The following BLVRB variants were observed in gnomAD, a reference collection of about 807,000 sequenced individuals.
The protein encoded by BLVRB is biliverdin reductase B.
BLVRB carries 25 observed loss-of-function variants against 21.1 expected under a neutral mutation model. The observed-to-expected ratio is 1.19, with a 90% CI of 0.86 to 1.66. The LOEUF (loss-of-function observed/expected upper bound fraction) is 1.66. Among genes scored for constraint, BLVRB ranks in the 40% most tolerant of loss-of-function variants. The pLI is 0.00. For missense variants in BLVRB, 274 were observed against 282.7 expected (o/e 0.97, Z 0.22); for synonymous variants, 128 against 122.2 (o/e 1.05, Z -0.31).
At chr19:40,460,138 AAC>A (rs1381329324) in intron 1 of BLVRB, among the ~76,000 whole-genome samples, 1 of 151,332 alleles carries the variant, frequency 6.6e-6, no homozygotes. Flanking sequence ...GTTTCTCTTC[AAC>A]ACACACACAC....
At chr19:40,456,517 A>G (rs1282815053) in intron 3 of BLVRB, among the ~76,000 whole-genome samples, 7 of 152,170 alleles carry the variant, frequency 4.6e-5, no homozygotes, top group Admixed American at 2.0e-4. Flanking sequence ...ATGAGAAAAA[A>G]GAAAGCAAAT....
chr19:40,465,463 C>A, intron 1 of BLVRB, 147 bp downstream of exon 1: 1 of 939,410 alleles, frequency 1.1e-6, no homozygotes, highest in Non-Finnish European at 1.6e-6. Context: ...TTTCTGCCCC[C>A]GTGGCCACTT....
intron 1 of BLVRB, among the ~76,000 whole-genome samples, chr19:40,464,722 G>A (rs1162694926): frequency 6.6e-6 from 1 of 152,180 alleles, no homozygotes; most frequent in Non-Finnish European, 1.5e-5. Flanking sequence ...GAGAGTTATG[G>A]ACCTAGAGAA....
chr19:40,461,128 C>G (rs1040190791), intron 1 of BLVRB, among the ~76,000 whole-genome samples: 13 of 152,014 alleles, frequency 8.6e-5, no homozygotes, highest in African/African-American at 2.9e-4. Context: ...AGTAATCTGC[C>G]TGGCATGGCC....
Position 40,458,146 on chromosome 19 carries a change from A to G in BLVRB, c.334+9T>C, listed in dbSNP as rs1599689248. ...AGTTCAGCCCCACCTCCATGATCCC[A>G]CCACCCACCCGAGGTGCAGGCCACG... is the stretch of plus-strand genomic sequence containing the variant. On this transcript the variant is annotated intron_variant, in intron 3 of 4. Coordinates refer to ENST00000263368, the MANE Select transcript of BLVRB (RefSeq NM_000713.3). The G allele has an allele frequency of 3.1e-6, 5 of 1,612,932 alleles. No homozygotes were observed. The highest frequency in any genetic ancestry group is 1.7e-5 in the Admixed American group (1 of 59,888).
chr19:40,462,500 G>A (rs768112525), intron 1 of BLVRB, among the ~76,000 whole-genome samples: 4 of 150,782 alleles, frequency 2.7e-5, no homozygotes, highest in African/African-American at 9.7e-5. Flanking sequence ...GGGTGGTCTC[G>A]ATCTCCTGAC....
rs112021742 is a variant in BLVRB at position 40,449,264 on chromosome 19, T to C, written c.464-1218A>G. Among the ~76,000 whole-genome samples the C allele has an allele frequency of 6.5e-4, 99 of 151,962 alleles. 4 individuals are homozygous for C. The highest frequency in any genetic ancestry group is 2.2e-3 in the African/African-American group (92 of 41,486). On this transcript the variant is annotated intron_variant, in intron 4 of 4. Coordinates refer to ENST00000263368, the MANE Select transcript of BLVRB (RefSeq NM_000713.3). ...GGGTTGAATTTTTTTTTTTCTTTTTTGGATAGAGTCTTGCTCTGTCACCCA... is the reference window on the plus strand; with the variant it reads ...GGGTTGAATTTTTTTTTTTCTTTTTCGGATAGAGTCTTGCTCTGTCACCCA...
At chr19:40,452,233 C>T (rs2079743076) in intron 3 of BLVRB, among the ~76,000 whole-genome samples, 1 of 152,240 alleles carries the variant, frequency 6.6e-6, no homozygotes, top group Non-Finnish European at 1.5e-5. Flanking sequence ...ACCACTCTCT[C>T]TTACACGCCT....
intron 1 of BLVRB, among the ~76,000 whole-genome samples, chr19:40,461,242 C>G (rs1187248853): frequency 7.9e-5 from 12 of 152,162 alleles, no homozygotes; most frequent in Non-Finnish European, 1.5e-5. Context: ...GCCTACGTCT[C>G]CTTCCTGGTC....
intron 3 of BLVRB, among the ~76,000 whole-genome samples, chr19:40,455,496 G>A (rs1478937172): frequency 6.6e-6 from 1 of 152,096 alleles, no homozygotes; most frequent in Non-Finnish European, 1.5e-5. Context: ...GGTCAGACCA[G>A]CCTGCCCAAT....
chr19:40,462,617 C>T lies in BLVRB; in HGVS notation c.79+2993G>A, dbSNP rs537268251. ...TTGAAAATCTCAGCCATTGGCCGGGCGTGGTGGCTCACGCCTGTAATCCCA... is the reference window on the plus strand; with the variant it reads ...TTGAAAATCTCAGCCATTGGCCGGGTGTGGTGGCTCACGCCTGTAATCCCA... On this transcript the variant is annotated intron_variant, in intron 1 of 4. Transcript: ENST00000263368. Among the ~76,000 whole-genome samples the T allele has an allele frequency of 2.0e-4, 30 of 146,748 alleles. No individual in the cohort carries two copies. The Middle Eastern group carries it at 0.01, about 51-fold the overall frequency.
At chr19:40,453,265 G>C (rs1354197384) in intron 3 of BLVRB, among the ~76,000 whole-genome samples, 1 of 151,998 alleles carries the variant, frequency 6.6e-6, no homozygotes, top group Non-Finnish European at 1.5e-5. Flanking sequence ...TTTGCTCAAA[G>C]GTCACCTTTC....
chr19:40,464,650 G>A (rs979752172), intron 1 of BLVRB, among the ~76,000 whole-genome samples: 2 of 152,136 alleles, frequency 1.3e-5, no homozygotes, highest in African/African-American at 4.8e-5. Context: ...TTTTTACTGA[G>A]AGGCCCACAG....
intron 3 of BLVRB, among the ~76,000 whole-genome samples, chr19:40,455,131 G>T (rs1351180173): frequency 6.6e-6 from 1 of 152,156 alleles, no homozygotes; most frequent in Non-Finnish European, 1.5e-5. Context: ...ACAGGCGTGA[G>T]CCACTGTGCC....
At chr19:40,448,108 G>A (rs1192011364) in intron 4 of BLVRB, 62 bp from the exon 5 acceptor site, 7 of 1,554,216 alleles carry the variant, frequency 4.5e-6, no homozygotes, top group Admixed American at 1.8e-5. Context: ...CCCAAAATTC[G>A]ACCCCCAGAA....
chr19:40,463,394 G>A (rs1255663116), intron 1 of BLVRB, among the ~76,000 whole-genome samples: 1 of 152,182 alleles, frequency 6.6e-6, no homozygotes, highest in Non-Finnish European at 1.5e-5. Flanking sequence ...CAGATGACAA[G>A]GCATTTGGTC....
intron 4 of BLVRB, 97 bp from the exon 5 acceptor site, chr19:40,448,143 G>T: frequency 7.4e-7 from 1 of 1,355,630 alleles, no homozygotes; most frequent in African/African-American, 1.4e-5. Context: ...TGCCTACTGT[G>T]TGTCCAGCCT....
intron 1 of BLVRB, among the ~76,000 whole-genome samples, chr19:40,461,941 G>A (rs762216230): frequency 1.2e-4 from 18 of 152,170 alleles, no homozygotes; most frequent in Admixed American, 2.6e-4. Context: ...CTCTGTCACA[G>A]CCCTCTTTAT....
At chr19:40,458,357 G>T in intron 2 of BLVRB, 24 bp downstream of exon 2, 1 of 1,547,654 alleles carries the variant, frequency 6.5e-7, no homozygotes, top group Non-Finnish European at 8.7e-7. Flanking sequence ...GGGGAGGGCC[G>T]TGGGCAGAGG....
Sources: allele counts gnomAD v4.1 joint callset (sites outside exome capture counted in the v4.1 genomes callset), GRCh38; gene constraint gnomAD v4.1.1; transcripts MANE v1.5; gene names NCBI Gene and HGNC (gene_info 2026-07-23, HGNC 2026-07-21).